RIPK1: variants seen among roughly 807,000 people sequenced by gnomAD.
The protein encoded by RIPK1 is receptor interacting serine/threonine kinase 1.
In RIPK1, 27 loss-of-function variants were observed where a neutral mutation model predicts 62.4. The ratio of observed to expected loss-of-function variants is 0.43; its 90% CI spans 0.32 to 0.60. The LOEUF is 0.60. Among genes scored for constraint, RIPK1 ranks in the 20% least tolerant of loss-of-function variants. The probability of loss-of-function intolerance (pLI) is 0.07; values close to 1 mark genes in which losing one functional copy is unlikely to be tolerated. For missense variants in RIPK1, 735 were observed against 831.0 expected (o/e 0.88, Z 1.42); for synonymous variants, 287 against 303.2 (o/e 0.95, Z 0.55).
rs1272270856 is a variant in RIPK1 at position 3,072,941 on chromosome 6, T to C, written c.-60-3823T>C. ...CGCTCCTACCTCATTCTCACTAGGA[T>C]TGGTCAGTAGGGCCCTGCTGACAGA... is the stretch of plus-strand genomic sequence containing the variant. On this transcript the variant is annotated intron_variant, in intron 1 of 10. Transcript: ENST00000259808. The surrounding 1 kb of genome is among the most constrained non-coding windows in gnomAD (Gnocchi z 5.6). Among the ~76,000 whole-genome samples, 5 of 152,166 alleles carry C rather than the reference T, an allele frequency of 3.3e-5. No homozygotes were observed. The highest frequency in any genetic ancestry group is 1.2e-4 in the African/African-American group (5 of 41,442).
At chr6:3,090,479 T>A (rs1050609757) in intron 7 of RIPK1, among the ~76,000 whole-genome samples, 2 of 152,172 alleles carry the variant, frequency 1.3e-5, no homozygotes, top group Non-Finnish European at 2.9e-5. Flanking sequence ...CAATCAGGAA[T>A]ATTTCATAAT....
intron 6 of RIPK1, among the ~76,000 whole-genome samples, chr6:3,086,209 T>C (rs1011401241): frequency 6.6e-6 from 1 of 152,250 alleles, no homozygotes; most frequent in African/African-American, 2.4e-5. Context: ...CTTGAAAGAC[T>C]TGTTTCCAGT....
At chr6:3,080,616 G>A (rs1397385277) in intron 3 of RIPK1, among the ~76,000 whole-genome samples, 8 of 152,070 alleles carry the variant, frequency 5.3e-5, no homozygotes, top group Middle Eastern at 3.2e-3. Flanking sequence ...CTGCTTGCTC[G>A]TATATTTATT....
At chr6:3,094,578 T>G (rs1183076738) in intron 7 of RIPK1, among the ~76,000 whole-genome samples, 4 of 137,670 alleles carry the variant, frequency 2.9e-5, no homozygotes, top group African/African-American at 1.3e-4. Context: ...AAATAAATAT[T>G]TCATATATAT....
chr6:3,083,438 A>G (rs796652004), intron 5 of RIPK1, 125 bp downstream of exon 5: 2 of 716,232 alleles, frequency 2.8e-6, no homozygotes, highest in Non-Finnish European at 4.6e-6. Flanking sequence ...ATCAGTGATC[A>G]TAGGATGAAT....
In RIPK1 at chr6:3,080,548, C is replaced by G. The variant is rs144331020; in HGVS notation, c.322-431C>G. ...TATTTTACACGCGACATTTGCATGG[C>G]ATTGTTCATGTCCTTAATGTAAACT... On this transcript the variant is annotated intron_variant, in intron 3 of 10. Transcript: ENST00000259808. Among the ~76,000 whole-genome samples, 568 of 152,296 alleles carry G rather than the reference C, an allele frequency of 3.7e-3. 3 individuals carry two copies. Among genetic ancestry groups the G allele is most frequent in the African/African-American group, 0.013 (537 of 41,566 alleles).
chr6:3,110,625 A>G (rs17513555), intron 9 of RIPK1, among the ~76,000 whole-genome samples, 178 bp from the exon 10 acceptor site: 3,726 of 150,642 alleles, frequency 0.025, 87 homozygotes, highest in East Asian at 0.07. Context: ...TTTTTTAATC[A>G]TAGGCATCCT....
chr6:3,086,687 G>A (rs1221231195), intron 6 of RIPK1, among the ~76,000 whole-genome samples: 1 of 152,210 alleles, frequency 6.6e-6, no homozygotes, highest in African/African-American at 2.4e-5. Context: ...AAGACACACC[G>A]CATTCCAGTG....
intron 1 of RIPK1, among the ~76,000 whole-genome samples, chr6:3,070,472 C>G (rs752353044): frequency 6.6e-6 from 1 of 152,156 alleles, no homozygotes; most frequent in Non-Finnish European, 1.5e-5. Flanking sequence ...GAGTCTTGCT[C>G]TGTCACCCAG....
chr6:3,085,031 C>T (rs1759615530), intron 5 of RIPK1, among the ~76,000 whole-genome samples: 1 of 152,198 alleles, frequency 6.6e-6, no homozygotes, highest in Admixed American at 6.5e-5. Context: ...TCTTTTTGTT[C>T]CATCAGCAGG....
rs140103172 is a variant in RIPK1, at chr6:3,110,301, T to A, written c.1577-502T>A. ...GGCTCACTCTGCAAGCTCCGCCTCC[T>A]GGGTTCAAGTGATTCTCCTGCCTCA... On this transcript the variant is annotated intron_variant, in intron 9 of 10. Coordinates refer to ENST00000259808, the MANE Select transcript of RIPK1 (RefSeq NM_001354930.2). 9.2e-3 allele frequency among the ~76,000 whole-genome samples: 1,390 copies of A among 150,358 alleles called. 26 individuals are homozygous for A. Among genetic ancestry groups the A allele is most frequent in the African/African-American group, 0.032 (1,330 of 41,054 alleles).
chr6:3,108,646 T>C (rs1400250153), intron 9 of RIPK1, among the ~76,000 whole-genome samples: 1 of 152,088 alleles, frequency 6.6e-6, no homozygotes, highest in African/African-American at 2.4e-5. Flanking sequence ...GTAGCTGCTG[T>C]TATTAGCACT....
At position 3,108,217 on chromosome 6, in the gene RIPK1, G is replaced by C. The variant is rs541897090; in HGVS notation, c.1576+2166G>C. ...AGAAAAGGAAAGCTCACTGGGCTAA[G>C]AGTCAGGAGACCCAGGTCTAGTCCT... On this transcript the variant is annotated intron_variant, in intron 9 of 10. Transcript: ENST00000259808. 2.2e-3 allele frequency among the ~76,000 whole-genome samples: 337 copies of C among 152,034 alleles called. 1 individual carries two copies. The highest frequency in any genetic ancestry group is 7.8e-3 in the African/African-American group (323 of 41,490).
chr6:3,076,758 TTACAGGG>T lies in RIPK1; in HGVS notation c.-60_-54del. On this transcript the variant is annotated splice_acceptor_variant and splice_polypyrimidine_tract_variant and 5_prime_UTR_variant and intron_variant, in exon 2 of 11. Coordinates refer to ENST00000259808, the MANE Select transcript of RIPK1 (RefSeq NM_001354930.2). LOFTEE classifies it low-confidence loss of function (5UTR_SPLICE). Reference sequence around the variant, plus strand: ...CCCTGAGGTTTTCTCTCTGTTTTCTTTACAGGGTACAGCTCTGCCGGGGGGGGAAAAA... The same window carrying T: ...CCCTGAGGTTTTCTCTCTGTTTTCTTTACAGCTCTGCCGGGGGGGGAAAAA... 1 of 1,541,808 alleles carries T rather than the reference TTACAGGG, an allele frequency of 6.5e-7. No individual in the cohort carries two copies. Among genetic ancestry groups the T allele is most frequent in the East Asian group, 2.4e-5 (1 of 41,472 alleles).
intron 1 of RIPK1, among the ~76,000 whole-genome samples, chr6:3,070,844 C>T (rs544864627): frequency 4.6e-4 from 70 of 152,188 alleles, no homozygotes; most frequent in African/African-American, 1.6e-3. Flanking sequence ...TGGATTTTTC[C>T]GAAGACAGAT....
intron 10 of RIPK1, among the ~76,000 whole-genome samples, chr6:3,112,264 T>C (rs1181490033): frequency 6.6e-6 from 1 of 152,104 alleles, no homozygotes; most frequent in Non-Finnish European, 1.5e-5. Flanking sequence ...GACAATTCCT[T>C]GATTAAGTAA....
chr6:3,088,341 A>T (rs984259124), intron 6 of RIPK1, among the ~76,000 whole-genome samples: 1 of 152,200 alleles, frequency 6.6e-6, no homozygotes, highest in Non-Finnish European at 1.5e-5. Context: ...ACTGACACAG[A>T]GGTGAAGGTA....
At position 3,072,182 on chromosome 6, in the gene RIPK1, G is replaced by C. The variant is rs1177980359; in HGVS notation, c.-61+3521G>C. Among the ~76,000 whole-genome samples the C allele has an allele frequency of 1.3e-5, 2 of 151,984 alleles. No individual in the cohort carries two copies. Among genetic ancestry groups the C allele is most frequent in the Non-Finnish European group, 2.9e-5 (2 of 68,014 alleles). On this transcript the variant is annotated intron_variant, in intron 1 of 10. Transcript: ENST00000259808. The surrounding 1 kb of genome is among the most constrained non-coding windows in gnomAD (Gnocchi z 5.6). ...AGCATCTCTGATTTGATCCCTCAGA[G>C]TAAAGAAATACTGAGTCAAGGAATT...
At chr6:3,087,755 G>A (rs1008831473) in intron 6 of RIPK1, among the ~76,000 whole-genome samples, 2 of 150,166 alleles carry the variant, frequency 1.3e-5, no homozygotes, top group South Asian at 2.1e-4. Context: ...TAGCCAGGAT[G>A]GTCTCCATCT....
Sources: gnomAD v4.1 joint callset for allele counts (sites outside exome capture counted in the v4.1 genomes callset) on GRCh38, gnomAD v4.1.1 for gene constraint, Gnocchi (gnomAD v3.1) non-coding constraint, MANE v1.5 for transcripts, NCBI Gene and HGNC (gene_info 2026-07-23, HGNC 2026-07-21) for gene names.